Variants in BBX observed in about 807,000 individuals in gnomAD.
The protein encoded by BBX is BBX high mobility group box domain containing.
In BBX, 30 loss-of-function variants were observed where a neutral mutation model predicts 100.2. The ratio of observed to expected loss-of-function variants is 0.30; its 90% confidence interval spans 0.22 to 0.41. BBX has a LOEUF of 0.41. Ranked by LOEUF, BBX falls within the 10% of genes least tolerant of loss-of-function variation. The probability of loss-of-function intolerance (pLI) is 1.00; values close to 1 mark genes in which losing one functional copy is unlikely to be tolerated. For synonymous variants in BBX, 376 were observed against 388.1 expected (o/e 0.97, Z 0.37); for missense variants, 1,023 against 1,129.8 (o/e 0.91, Z 1.35).
At chr3:107,687,024 G>GA (rs895161533) in intron 3 of BBX, among the ~76,000 whole-genome samples, 11 of 151,832 alleles carry the variant, frequency 7.2e-5, no homozygotes, top group Admixed American at 3.9e-4. Flanking sequence ...TTTTTTTAAG[G>GA]AAAAAAATGT....
intron 2 of BBX, among the ~76,000 whole-genome samples, chr3:107,584,087 ATCATATATTATATATATTATATATTAT>A (rs2052560668): frequency 9.7e-5 from 3 of 30,836 alleles, no homozygotes; most frequent in Non-Finnish European, 1.8e-4. Flanking sequence ...TATTATATAT[ATCATATATTATATATATTATATATTAT>A]ATATAATATA....
At chr3:107,663,288 A>G (rs1290123448) in intron 3 of BBX, among the ~76,000 whole-genome samples, 1 of 152,178 alleles carries the variant, frequency 6.6e-6, no homozygotes, top group Admixed American at 6.5e-5. Context: ...TGTGTTTATA[A>G]TTCTGCAGTC....
chr3:107,697,933 G>A (rs2060758073), intron 3 of BBX, among the ~76,000 whole-genome samples: 1 of 151,972 alleles, frequency 6.6e-6, no homozygotes, highest in Non-Finnish European at 1.5e-5. Context: ...GAAAAGCGCA[G>A]TATTCGGGTG....
At chr3:107,752,439 C>T (rs1407371874) in intron 9 of BBX, among the ~76,000 whole-genome samples, 1 of 152,066 alleles carries the variant, frequency 6.6e-6, no homozygotes, top group Non-Finnish European at 1.5e-5. Flanking sequence ...CTTATTTGTT[C>T]TTTGACTCAT....
At chr3:107,784,622 G>T (rs1311098611) in intron 13 of BBX, among the ~76,000 whole-genome samples, 1 of 151,854 alleles carries the variant, frequency 6.6e-6, no homozygotes, top group Non-Finnish European at 1.5e-5. Context: ...TGAAGACACA[G>T]TATAAGAGAA....
intron 2 of BBX, among the ~76,000 whole-genome samples, chr3:107,558,976 A>C (rs1332966197): frequency 6.6e-6 from 1 of 152,232 alleles, no homozygotes; most frequent in Non-Finnish European, 1.5e-5. Context: ...TAGTTCATGT[A>C]AAAATTTATG....
intron 15 of BBX, 74 bp from the exon 16 acceptor site, chr3:107,798,449 C>T (rs960731555): frequency 2.9e-6 from 4 of 1,379,790 alleles, no homozygotes; most frequent in Non-Finnish European, 4.1e-6. Flanking sequence ...GAAATTTAGA[C>T]ATGTTTCCTT....
At chr3:107,715,178 A>G (rs754522213) in intron 4 of BBX, among the ~76,000 whole-genome samples, 3 of 152,170 alleles carry the variant, frequency 2.0e-5, no homozygotes, top group African/African-American at 4.8e-5. Context: ...ATAAAAGAAC[A>G]TGGTTGCCTT....
chr3:107,673,378 T>C (rs1053561154), intron 3 of BBX, among the ~76,000 whole-genome samples: 1 of 152,056 alleles, frequency 6.6e-6, no homozygotes, highest in Non-Finnish European at 1.5e-5. Context: ...TGATAAAGGC[T>C]CAACAATTTC....
At chr3:107,597,670 A>T (rs2053755850) in intron 2 of BBX, among the ~76,000 whole-genome samples, 1 of 152,154 alleles carries the variant, frequency 6.6e-6, no homozygotes, top group Admixed American at 6.5e-5. Context: ...ATTATTTTTG[A>T]TGATTTAATG....
chr3:107,713,644 G>C lies in BBX; in HGVS notation c.163-2963G>C, dbSNP rs1238232870. On this transcript the variant is annotated intron_variant, in intron 4 of 17. Transcript: ENST00000325805. ...ATGTTCATAGTTGGCAGAATGAAAA[G>C]TTGACAAACTGTGTCAAATCAAATG... is the stretch of plus-strand genomic sequence containing the variant. Among the ~76,000 whole-genome samples the C allele has an allele frequency of 3.3e-5, 5 of 152,296 alleles. No homozygotes were observed. The South Asian group carries it at 6.2e-4, about 19-fold the overall frequency.
intron 4 of BBX, 147 bp from the exon 5 acceptor site, chr3:107,716,460 T>C (rs2062113266): frequency 1.0e-6 from 1 of 995,230 alleles, no homozygotes; most frequent in Non-Finnish European, 1.4e-6. Flanking sequence ...ACAGTGGTTG[T>C]TGATTTTTTA....
intron 2 of BBX, among the ~76,000 whole-genome samples, chr3:107,581,742 GA>G (rs2052295492): frequency 6.6e-6 from 1 of 152,014 alleles, no homozygotes; most frequent in African/African-American, 2.4e-5. Context: ...TACACATGAA[GA>G]ATTTATTTAT....
chr3:107,796,722 TA>T (rs959721692), intron 15 of BBX, among the ~76,000 whole-genome samples: 88 of 143,016 alleles, frequency 6.2e-4, no homozygotes, highest in Admixed American at 6.3e-4. Context: ...AAGTTTAAAC[TA>T]AAAAAAAAAA....
intron 12 of BBX, among the ~76,000 whole-genome samples, chr3:107,777,258 T>A (rs928896258): frequency 6.6e-6 from 1 of 152,204 alleles, no homozygotes; most frequent in East Asian, 1.9e-4. Flanking sequence ...GGACTTGGAG[T>A]ATATCCCCCC....
At chr3:107,591,685 G>A (rs995652146) in intron 2 of BBX, among the ~76,000 whole-genome samples, 3 of 152,118 alleles carry the variant, frequency 2.0e-5, no homozygotes, top group Non-Finnish European at 4.4e-5. Context: ...ATGAAGTCTT[G>A]CTTTGTTGCC....
intron 2 of BBX, among the ~76,000 whole-genome samples, chr3:107,600,056 T>C (rs945268467): frequency 6.6e-6 from 1 of 152,168 alleles, no homozygotes; most frequent in Non-Finnish European, 1.5e-5. Context: ...TTTTAGAGGG[T>C]GTGTTACATT....
intron 7 of BBX, among the ~76,000 whole-genome samples, chr3:107,735,561 T>C (rs1189213507): frequency 1.3e-5 from 2 of 152,036 alleles, no homozygotes; most frequent in Admixed American, 6.6e-5. Flanking sequence ...CCTAACCATA[T>C]AGAAAAAGTC....
chr3:107,639,195 T>G (rs1192854891), intron 2 of BBX, among the ~76,000 whole-genome samples: 1 of 152,206 alleles, frequency 6.6e-6, no homozygotes, highest in African/African-American at 2.4e-5. Context: ...GAATGTGATT[T>G]TGTAATATAT....
Sources: gnomAD v4.1 joint callset for allele counts (sites outside exome capture counted in the v4.1 genomes callset) on GRCh38, gnomAD v4.1.1 for gene constraint, MANE v1.5 for transcripts, NCBI Gene and HGNC (gene_info 2026-07-23, HGNC 2026-07-21) for gene names.